Variants in FAM234A observed in about 807,000 individuals in gnomAD.
FAM234A encodes protein FAM234A.
Under a neutral mutation model 49.1 loss-of-function variants are expected in FAM234A, and 42 were observed. The ratio of observed to expected loss-of-function variants is 0.86; its 90% CI spans 0.67 to 1.11. The LOEUF is 1.11. Among genes scored for constraint, FAM234A ranks in the 50% least tolerant of loss-of-function variants. The pLI is 0.00. For synonymous variants in FAM234A, 369 were observed against 316.2 expected, an observed-to-expected ratio of 1.17 and a Z score of -1.77; for missense variants, 815 against 745.2, an observed-to-expected ratio of 1.09 and a Z score of -1.09.
chr16:269,929 C>A (rs1047227636), downstream of FAM234A: 7 of 239,424 alleles, frequency 2.9e-5, no homozygotes, highest in African/African-American at 1.6e-4. Flanking sequence ...AATAAAAAAA[C>A]AAGGTAGGCC....
chr16:254,274 A>T, intron 2 of FAM234A, 107 bp from the exon 3 acceptor site: 1 of 823,998 alleles, frequency 1.2e-6, no homozygotes, highest in Non-Finnish European at 2.0e-6. Context: ...GCCCATAGTT[A>T]GAGCTGCAGC....
At chr16:267,172 T>C (rs1409033945), downstream of FAM234A, among the ~76,000 whole-genome samples, 1 of 152,084 alleles carries the variant, frequency 6.6e-6, no homozygotes, top group African/African-American at 2.4e-5. Context: ...TGCAGCTCTG[T>C]GGCCTTAGGG....
At chr16:240,986 T>C (rs960045274) in intron 1 of FAM234A, among the ~76,000 whole-genome samples, 3 of 152,100 alleles carry the variant, frequency 2.0e-5, no homozygotes, top group Non-Finnish European at 4.4e-5. Flanking sequence ...TTGCCTAGAC[T>C]GGAATGCAGT....
In FAM234A at chr16:239,906, G is replaced by A. The variant is rs575006004; in HGVS notation, c.-140+5049G>A. Among the ~76,000 whole-genome samples, 13 of 152,214 alleles carry A rather than the reference G, an allele frequency of 8.5e-5. No individual in the cohort carries two copies. The South Asian group carries it at 2.7e-3, about 32-fold the overall frequency. ...ACTTTTGCCTTTGTCATGGAACCAT[G>A]ATCTTTAAAGTGGTTCTGGAAAAAT... On this transcript the variant is annotated intron_variant, in intron 1 of 12. Transcript: ENST00000399932.
chr16:269,651 A>C (rs2051826566), downstream of FAM234A: 3 of 1,268,744 alleles, frequency 2.4e-6, no homozygotes, highest in Non-Finnish European at 3.4e-6. Flanking sequence ...CTCCACCCGA[A>C]GGAGCAGCCA....
rs757939754 is a variant in FAM234A at position 261,391 on chromosome 16, C to T, written c.585C>T (p.Thr195=). The change falls in exon 6 of 13, where the codon ACC becomes ACT. Residue 195 remains threonine (T), a synonymous_variant. Coordinates refer to ENST00000399932, the MANE Select transcript of FAM234A (RefSeq NM_032039.4). ...FIAVNLFTGE[T]LWNHSSSFSG... ...CCGTGTGCTTGATTCTAGGGGAAAC[C>T]CTGTGGAACCACAGCAGCAGCTTCA... 1.9e-6 allele frequency: 3 copies of T among 1,611,766 alleles called. No homozygotes were observed. The highest frequency in any genetic ancestry group is 1.7e-5 in the Admixed American group (1 of 59,994).
At chr16:239,820 G>C (rs1327020700) in intron 1 of FAM234A, among the ~76,000 whole-genome samples, 1 of 152,094 alleles carries the variant, frequency 6.6e-6, no homozygotes, top group African/African-American at 2.4e-5. Flanking sequence ...AAGTTTTTCA[G>C]TTCTGCAAAG....
downstream of FAM234A, chr16:268,559 A>T (rs2051774820): frequency 1.7e-6 from 1 of 595,414 alleles, no homozygotes; most frequent in Admixed American, 2.9e-5. Flanking sequence ...CCTGGCAAGG[A>T]TCCACCCTAT....
chr16:267,129 TAG>T (rs1270788193), downstream of FAM234A, among the ~76,000 whole-genome samples: 2 of 152,080 alleles, frequency 1.3e-5, no homozygotes, highest in Non-Finnish European at 2.9e-5. Context: ...CTGCGGGCCC[TAG>T]AGAGTCTGGG....
At chr16:244,854 A>ATTTTTTTTTTTTTTT (rs1203898846) in intron 1 of FAM234A, among the ~76,000 whole-genome samples, 5 of 147,378 alleles carry the variant, frequency 3.4e-5, no homozygotes, top group South Asian at 2.2e-4. Flanking sequence ...CGCCCGGCTA[A>ATTTTTTTTTTTTTTT]TTTTTTTTTG....
downstream of FAM234A, among the ~76,000 whole-genome samples, chr16:267,375 C>T (rs1250846972): frequency 6.6e-6 from 1 of 152,216 alleles, no homozygotes; most frequent in South Asian, 2.1e-4. Flanking sequence ...CAAGTCCCTC[C>T]TCCACCATCG....
intron 1 of FAM234A, among the ~76,000 whole-genome samples, chr16:244,247 C>A (rs528060421): frequency 3.9e-5 from 6 of 152,220 alleles, no homozygotes; most frequent in African/African-American, 1.4e-4. Context: ...GGATTACAGG[C>A]GTGAGCCACC....
chr16:264,108 C>T lies in FAM234A; in HGVS notation c.1281C>T (p.Thr427=), dbSNP rs373393536. 2.4e-4 allele frequency: 382 copies of T among 1,611,474 alleles called. No individual in the cohort carries two copies. The highest frequency in any genetic ancestry group is 3.5e-4 in the Admixed American group (21 of 59,948). The change falls in exon 11 of 13, where the codon ACC becomes ACT. Residue 427 remains threonine, a synonymous_variant. Coordinates refer to ENST00000399932, the MANE Select transcript of FAM234A (RefSeq NM_032039.4). ...GTCCACTGTCCGCCAGCCTGCCGACCGCAGACCACCGCTCAGCCTTCTTCT... is the reference window on the plus strand; with the variant it reads ...GTCCACTGTCCGCCAGCCTGCCGACTGCAGACCACCGCTCAGCCTTCTTCT... The part of the protein sequence containing the change: ...PGGPLSASLP[T]ADHRSAFFFW...
chr16:235,152 C>A (rs1224373832), intron 1 of FAM234A, among the ~76,000 whole-genome samples: 3 of 152,248 alleles, frequency 2.0e-5, no homozygotes, highest in African/African-American at 7.2e-5. Flanking sequence ...CCACATGTTC[C>A]TCAAAGCGGG....
At chr16:254,822 C>A in intron 3 of FAM234A, 141 bp downstream of exon 3, 1 of 845,282 alleles carries the variant, frequency 1.2e-6, no homozygotes, top group Non-Finnish European at 1.9e-6. Context: ...AGTTCTATGT[C>A]CAAGGTTTTC....
In FAM234A at chr16:264,614, G is replaced by C; in HGVS notation, c.1345G>C (p.Glu449Gln). The stretch of plus-strand genomic sequence containing the variant: ...GGCCCATTGCTGGTTCTCGCTCCAG[G>C]AGACCGGGGAGGCCCGGCACAGCCT... ...LHELGSTSETETGEARHSLYM... is the reference protein window; with the variant it reads ...LHELGSTSETQTGEARHSLYM... Residue 449 changes from glutamate to glutamine, a missense_variant and splice_region_variant, in exon 12 of 13, where the codon GAG becomes CAG. By Grantham distance (29) the Glu-to-Gln change is conservative. Transcript: ENST00000399932. 6.2e-7 allele frequency: 1 copy of C among 1,606,972 alleles called. No homozygotes were observed. The highest frequency in any genetic ancestry group is 8.5e-7 in the Non-Finnish European group (1 of 1,176,968).
downstream of FAM234A, chr16:269,841 C>T (rs547863911): frequency 8.9e-6 from 4 of 447,344 alleles, no homozygotes; most frequent in Admixed American, 3.9e-5. Flanking sequence ...GAATAAACCG[C>T]GGCACCTCCT....
intron 1 of FAM234A, among the ~76,000 whole-genome samples, chr16:245,424 T>A (rs1166378576): frequency 6.6e-6 from 1 of 152,162 alleles, no homozygotes. Context: ...TGAGTGTGTT[T>A]CCCCTGGGCA....
intron 1 of FAM234A, among the ~76,000 whole-genome samples, chr16:235,320 C>G (rs369642496): frequency 4.6e-4 from 70 of 152,168 alleles, no homozygotes; most frequent in African/African-American, 1.7e-3. Context: ...GAGGCGTGTC[C>G]TCTCTCGGGA....
Sources: allele counts gnomAD v4.1 joint callset (sites outside exome capture counted in the v4.1 genomes callset), GRCh38; gene constraint gnomAD v4.1.1; transcripts MANE v1.5; gene names NCBI Gene and HGNC (gene_info 2026-07-23, HGNC 2026-07-21).